The following SP4 variants were observed in gnomAD, a reference collection of about 807,000 sequenced individuals.
SP4 encodes Sp4 transcription factor, also known as transcription factor Sp4.
In SP4, 19 loss-of-function variants were observed where a neutral mutation model predicts 72.8. That is an observed-to-expected ratio of 0.26 (90% CI 0.18 to 0.38). The LOEUF (loss-of-function observed/expected upper bound fraction) is 0.38. Among genes scored for constraint, SP4 ranks in the 10% least tolerant of loss-of-function variants. The probability of loss-of-function intolerance (pLI) is 1.00; values close to 1 mark genes in which losing one functional copy is unlikely to be tolerated. For synonymous variants in SP4, 395 were observed against 333.1 expected (o/e 1.19, Z -2.02); for missense variants, 1,008 against 926.3 (o/e 1.09, Z -1.14).
At chr7:21,477,052 A>T in intron 3 of SP4, 27 bp from the exon 4 acceptor site, 1 of 1,562,320 alleles carries the variant, frequency 6.4e-7, no homozygotes, top group Non-Finnish European at 8.8e-7. Context: ...AAACATTACA[A>T]TACTTCTTTT....
At chr7:21,452,271 G>A (rs1311243881) in intron 3 of SP4, among the ~76,000 whole-genome samples, 1 of 152,198 alleles carries the variant, frequency 6.6e-6, no homozygotes, top group Non-Finnish European at 1.5e-5. Context: ...ATAAAGCACA[G>A]CAAGAATAAT....
In SP4 at chr7:21,511,384, CTTCT is replaced by C; in HGVS notation, c.*118_*121del. ...TAGGAAATTATGTTTTCATTCTTGG[CTTCT>C]TTAAGTATTCCAGGGTTTGGGGTCA... is the stretch of plus-strand genomic sequence containing the variant. On this transcript the variant is annotated 3_prime_UTR_variant, in exon 6 of 6. Transcript: ENST00000222584. 1 of 1,116,388 alleles carries C rather than the reference CTTCT, an allele frequency of 9.0e-7. No homozygotes were observed. Among genetic ancestry groups the C allele is most frequent in the Non-Finnish European group, 1.3e-6 (1 of 789,976 alleles). The allele number at this position is 1,116,388 out of a possible 1,614,324, so 69.2% of individuals were successfully genotyped here.
intron 2 of SP4, 151 bp downstream of exon 2, chr7:21,428,943 A>G (rs987774018): frequency 1.2e-5 from 8 of 673,130 alleles, no homozygotes; most frequent in African/African-American, 9.1e-5. Context: ...AAATTCATCA[A>G]GTTTTCACCT....
intron 3 of SP4, chr7:21,471,027 G>C (rs1240915043): frequency 1.9e-6 from 1 of 534,266 alleles, no homozygotes; most frequent in Non-Finnish European, 3.8e-6. Flanking sequence ...ATGGAGGTTT[G>C]GGGTGGGAGA....
In SP4 at chr7:21,430,394, A is replaced by C; in HGVS notation, c.1229A>C (p.Gln410Pro). The C allele has an allele frequency of 6.2e-7, 1 of 1,614,234 alleles. No homozygotes were observed. The highest frequency in any genetic ancestry group is 8.5e-7 in the Non-Finnish European group (1 of 1,180,040). ...CCTATCTTACAGCAGATCCAGATCCAACAGCCTCAGCAACAGATCATTCAG... is the reference window on the plus strand; with the variant it reads ...CCTATCTTACAGCAGATCCAGATCCCACAGCCTCAGCAACAGATCATTCAG... The part of the protein sequence containing the change: ...GQPILQQIQI[Q>P]QPQQQIIQAI... The change falls in exon 3 of 6, where the codon CAA becomes CCA. Residue 410 changes from glutamine (Q) to proline (P), a missense_variant. Gln to Pro is a moderately conservative substitution (Grantham distance 76). Around this residue, in one of 3 missense-constraint regions of SP4, gnomAD observed 893 missense variants for 743.3 expected, o/e 1.20. Transcript: ENST00000222584.
intron 5 of SP4, among the ~76,000 whole-genome samples, chr7:21,483,249 C>T (rs1784736016): frequency 6.6e-6 from 1 of 151,660 alleles, no homozygotes; most frequent in African/African-American, 2.4e-5. Context: ...AATTCTGGTT[C>T]TCATTTTTTC....
intron 5 of SP4, chr7:21,482,479 G>GTTT: frequency 1.1e-5 from 2 of 184,062 alleles, no homozygotes; most frequent in Non-Finnish European, 2.0e-5. Flanking sequence ...GTGTGTTTTA[G>GTTT]TTTTTTTTTT....
Position 21,428,221 on chromosome 7 carries a change from T to C in SP4, c.-31T>C. The C allele has an allele frequency of 2.8e-6, 3 of 1,069,778 alleles. No homozygotes were observed. The highest frequency in any genetic ancestry group is 5.2e-5 in the East Asian group (1 of 19,050). 66.3% of individuals were successfully genotyped at this position (1,069,778 alleles called of 1,614,324 possible). ...CCCCACCCACCTCTATCCCAGTGTC[T>C]CCGTCTGAGGGTTTGTCCTGTTAAT... On this transcript the variant is annotated 5_prime_UTR_variant, in exon 1 of 6. Coordinates refer to ENST00000222584, the MANE Select transcript of SP4 (RefSeq NM_003112.5).
chr7:21,459,687 T>A (rs995946946), intron 3 of SP4, among the ~76,000 whole-genome samples: 3 of 152,234 alleles, frequency 2.0e-5, no homozygotes, highest in African/African-American at 7.2e-5. Context: ...TTGCTCATAT[T>A]TTCTGCTCTC....
At chr7:21,475,366 A>G (rs1784468630) in intron 3 of SP4, among the ~76,000 whole-genome samples, 1 of 152,018 alleles carries the variant, frequency 6.6e-6, no homozygotes, top group Non-Finnish European at 1.5e-5. Context: ...CACCTGCCTC[A>G]GCCTCCAAAA....
intron 5 of SP4, among the ~76,000 whole-genome samples, chr7:21,506,303 A>G (rs1225363878): frequency 3.3e-5 from 5 of 152,036 alleles, no homozygotes; most frequent in African/African-American, 7.2e-5. Flanking sequence ...CCCACCTTCA[A>G]ATTTATTAAG....
intron 3 of SP4, among the ~76,000 whole-genome samples, chr7:21,439,514 CTTT>C (rs1326184441): frequency 6.9e-6 from 1 of 143,910 alleles, no homozygotes. Flanking sequence ...CTTTTCTTTC[CTTT>C]TTTTTTTTTT....
chr7:21,499,079 C>CAAAA (rs34565680), intron 5 of SP4, among the ~76,000 whole-genome samples: 2 of 99,588 alleles, frequency 2.0e-5, no homozygotes, highest in African/African-American at 3.6e-5. Context: ...GACTCTGTCT[C>CAAAA]AAAAAAAAAA....
At chr7:21,447,121 G>A (rs1403119927) in intron 3 of SP4, among the ~76,000 whole-genome samples, 3 of 152,126 alleles carry the variant, frequency 2.0e-5, no homozygotes, top group Non-Finnish European at 2.9e-5. Context: ...CCTTGCCAGC[G>A]GATACAGACC....
At chr7:21,477,431 A>G (rs1391589285) in intron 4 of SP4, 124 bp downstream of exon 4, 1 of 652,254 alleles carries the variant, frequency 1.5e-6, no homozygotes, top group Admixed American at 2.6e-5. Context: ...AAGTTGATAT[A>G]TAATATTAGA....
In SP4 at chr7:21,428,730, G is replaced by A; in HGVS notation, c.61G>A (p.Glu21Lys). ...GGCAGCGGCAGCGGCGATGGCTACA[G>A]AAGGAGGGAAAACCTCTGAGCCAGA... ...EAAAAAAMATEGGKTSEPENN... is the reference protein window; with the variant it reads ...EAAAAAAMATKGGKTSEPENN... The change falls in exon 2 of 6, where the codon GAA (glutamate) becomes AAA (lysine). Residue 21 changes from glutamate to lysine, a missense_variant. Around this residue, in one of 3 missense-constraint regions of SP4, gnomAD observed 893 missense variants for 743.3 expected, o/e 1.20. Transcript: ENST00000222584. 4.5e-6 allele frequency: 7 copies of A among 1,554,406 alleles called. No individual in the cohort carries two copies. The highest frequency in any genetic ancestry group is 1.2e-5 in the South Asian group (1 of 84,220).
chr7:21,455,244 A>G (rs1783725782), intron 3 of SP4, among the ~76,000 whole-genome samples: 1 of 152,210 alleles, frequency 6.6e-6, no homozygotes, highest in South Asian at 2.1e-4. Context: ...TTTGACTTCC[A>G]GTAGCCTGGC....
In SP4 at chr7:21,429,476, T is replaced by A. The variant is rs1202258152; in HGVS notation, c.311T>A (p.Leu104His). The change falls in exon 3 of 6, where the codon CTT becomes CAT. Residue 104 changes from leucine to histidine, a missense_variant. Physicochemically the swap from Leu to His is moderately conservative, Grantham distance 99. This residue lies in a region of SP4 where 893 missense variants were observed against 743.3 expected (regional missense o/e 1.20). Coordinates refer to ENST00000222584, the MANE Select transcript of SP4 (RefSeq NM_003112.5). ...CAACTTGCTGGAAACGCTTGGCAACTTGTTGCCTCCACTCCTCCTGCTTCA... is the reference window on the plus strand; with the variant it reads ...CAACTTGCTGGAAACGCTTGGCAACATGTTGCCTCCACTCCTCCTGCTTCA... ...TTQLAGNAWQ[L>H]VASTPPASKE... is the part of the protein sequence containing the mutation. 6.2e-7 allele frequency: 1 copy of A among 1,614,128 alleles called. No homozygotes were observed. Among genetic ancestry groups the A allele is most frequent in the Non-Finnish European group, 8.5e-7 (1 of 1,180,048 alleles).
In SP4 at chr7:21,429,346, C is replaced by G. The variant is rs1782748705; in HGVS notation, c.181C>G (p.Pro61Ala). 2 of 1,613,574 alleles carry G rather than the reference C, an allele frequency of 1.2e-6. No individual in the cohort carries two copies. The highest frequency in any genetic ancestry group is 1.7e-6 in the Non-Finnish European group (2 of 1,179,914). The change falls in exon 3 of 6, where the codon CCT becomes GCT. Residue 61 changes from proline (P) to alanine (A), a missense_variant. Pro to Ala is a conservative substitution (Grantham distance 27). Transcript: ENST00000222584. ...AGCTACTTGCAGCAAAATAGGGACT[C>G]CTGGTGAAAATCAAGCAACTGGACA... The part of the protein sequence containing the change: ...LAATCSKIGT[P>A]GENQATGQQQ...
Sources: gnomAD v4.1 joint callset for allele counts (sites outside exome capture counted in the v4.1 genomes callset) on GRCh38, gnomAD v4.1.1 for gene constraint, gnomAD v4.1.1 regional missense constraint, MANE v1.5 for transcripts, NCBI Gene and HGNC (gene_info 2026-07-23, HGNC 2026-07-21) for gene names.